SLC4A8: variants seen among roughly 807,000 people sequenced by gnomAD.
SLC4A8 encodes the protein solute carrier family 4 member 8, also known as electroneutral sodium bicarbonate exchanger 1.
SLC4A8 carries 40 observed loss-of-function variants against 125.0 expected under a neutral mutation model. The ratio of observed to expected loss-of-function variants is 0.32; its 90% CI spans 0.25 to 0.42. The LOEUF is 0.42. Ranked by LOEUF, SLC4A8 falls within the 10% of genes least tolerant of loss-of-function variation. SLC4A8 has a pLI of 1.00. For synonymous variants in SLC4A8, 456 were observed against 476.0 expected (o/e 0.96, Z 0.55); for missense variants, 863 against 1,355.1 (o/e 0.64, Z 5.70).
At chr12:51,426,268 A>G (rs1948974516) in intron 1 of SLC4A8, among the ~76,000 whole-genome samples, 1 of 152,208 alleles carries the variant, frequency 6.6e-6, no homozygotes, top group South Asian at 2.1e-4. Flanking sequence ...GAAAAGAACA[A>G]TATCTAAGAT....
chr12:51,395,877 G>A (rs952471905), intron 1 of SLC4A8, among the ~76,000 whole-genome samples: 31 of 152,214 alleles, frequency 2.0e-4, no homozygotes, highest in African/African-American at 6.8e-4. Context: ...ATGAAAGTGT[G>A]AGAGTTGGGT....
At chr12:51,395,383 G>A (rs1322707606) in intron 1 of SLC4A8, among the ~76,000 whole-genome samples, 1 of 151,562 alleles carries the variant, frequency 6.6e-6, no homozygotes, top group African/African-American at 2.4e-5. Flanking sequence ...GGCTGTTTTA[G>A]ATTCGGGTTT....
chr12:51,461,357 G>A (rs1425445771), intron 9 of SLC4A8, 66 bp downstream of exon 9: 1 of 926,448 alleles, frequency 1.1e-6, no homozygotes, highest in Non-Finnish European at 1.8e-6. Context: ...CTCTGTGCCA[G>A]GCAATATGCT....
chr12:51,447,241 C>T (rs1279962591), intron 2 of SLC4A8, among the ~76,000 whole-genome samples: 1 of 152,072 alleles, frequency 6.6e-6, no homozygotes, highest in Non-Finnish European at 1.5e-5. Context: ...CACCACCACA[C>T]CTGTCTAATT....
intron 16 of SLC4A8, 24 bp downstream of exon 16, chr12:51,475,230 C>T: frequency 6.2e-7 from 1 of 1,610,562 alleles, no homozygotes; most frequent in Non-Finnish European, 8.5e-7. Context: ...TCATGCATTT[C>T]TTTCACGTTA....
chr12:51,391,915 C>T (rs1948125763), intron 1 of SLC4A8: 1 of 152,462 alleles, frequency 6.6e-6, no homozygotes. Context: ...AGAGGACAGG[C>T]ATTAGCAGAG....
At chr12:51,497,224 T>C in intron 22 of SLC4A8, 100 bp downstream of exon 22, 1 of 1,250,536 alleles carries the variant, frequency 8.0e-7, no homozygotes, top group Non-Finnish European at 1.1e-6. Flanking sequence ...CCGAGGGTTA[T>C]ATTTAGGAGC....
chr12:51,396,012 C>T (rs960215999), intron 1 of SLC4A8, among the ~76,000 whole-genome samples: 7 of 152,196 alleles, frequency 4.6e-5, no homozygotes, highest in Admixed American at 6.5e-5. Flanking sequence ...CAGAGCTGCT[C>T]CTAGTTCTGC....
chr12:51,478,653 G>A (rs1050297118), intron 16 of SLC4A8, among the ~76,000 whole-genome samples: 16 of 152,140 alleles, frequency 1.1e-4, no homozygotes, highest in Non-Finnish European at 1.8e-4. Flanking sequence ...TTACTCAGTC[G>A]AATGAAACAG....
At chr12:51,501,544 T>C (rs182264112) in intron 22 of SLC4A8, among the ~76,000 whole-genome samples, 128 of 152,384 alleles carry the variant, frequency 8.4e-4, no homozygotes, top group African/African-American at 2.8e-3. Context: ...AGTTTCTTTA[T>C]TCAATCCACC....
At chr12:51,499,144 G>A (rs200435591) in intron 22 of SLC4A8, among the ~76,000 whole-genome samples, 3 of 152,120 alleles carry the variant, frequency 2.0e-5, no homozygotes, top group Non-Finnish European at 4.4e-5. Context: ...TCATGCCACT[G>A]CACTCCAGCC....
Position 51,484,837 on chromosome 12 carries a change from G to C in SLC4A8, c.2173-950G>C, listed in dbSNP as rs568961039. Among the ~76,000 whole-genome samples, 3 of 152,268 alleles carry C rather than the reference G, an allele frequency of 2.0e-5. No homozygotes were observed. In the East Asian group the frequency reaches 5.8e-4, roughly 29 times the overall value. Reference sequence around the variant, plus strand: ...AAAATAAAGCAGTAAAGAAGTACAGGAAGTGCTGGGGTGGAGGGAGGTGGC... The same window carrying C: ...AAAATAAAGCAGTAAAGAAGTACAGCAAGTGCTGGGGTGGAGGGAGGTGGC... On this transcript the variant is annotated intron_variant, in intron 16 of 24. Coordinates refer to ENST00000453097, the MANE Select transcript of SLC4A8 (RefSeq NM_001039960.3).
chr12:51,491,229 T>C (rs1662672608), intron 19 of SLC4A8, among the ~76,000 whole-genome samples: 1 of 152,228 alleles, frequency 6.6e-6, no homozygotes, highest in South Asian at 2.1e-4. Context: ...TGGACTAAAA[T>C]ATAAATTTGG....
rs184045486 is a variant in SLC4A8, at chr12:51,416,520, G to A, written c.-111-24188G>A. On this transcript the variant is annotated intron_variant, in intron 1 of 24. Coordinates refer to the SLC4A8 transcript ENST00000358657. Reference sequence around the variant, plus strand: ...TATCTGGGTGTGGTGGCGTACGCTTGTAATTTCAGCTACTCGGGAGGCTGA... The same window carrying A: ...TATCTGGGTGTGGTGGCGTACGCTTATAATTTCAGCTACTCGGGAGGCTGA... Among the ~76,000 whole-genome samples the A allele has an allele frequency of 6.2e-4, 94 of 152,226 alleles. 3 individuals carry two copies. In the East Asian group the frequency reaches 0.018, roughly 29 times the overall value.
intron 1 of SLC4A8, among the ~76,000 whole-genome samples, chr12:51,410,223 A>G (rs1948568126): frequency 6.6e-6 from 1 of 152,224 alleles, no homozygotes; most frequent in Admixed American, 6.5e-5. Flanking sequence ...TTTCAAGGCT[A>G]TATTTTGAGT....
chr12:51,471,627 CAAG>C (rs1162198622), intron 14 of SLC4A8, 95 bp downstream of exon 14: 2 of 1,381,080 alleles, frequency 1.4e-6, no homozygotes, highest in Admixed American at 4.2e-5. Context: ...AGCTTCTGGT[CAAG>C]AAGTGTCTTG....
Position 51,480,308 on chromosome 12 carries a change from A to T in SLC4A8, c.2172+5102A>T, listed in dbSNP as rs1406507782. ...TGGATTTCTTTCTTGCTTAAAATGT[A>T]TTTATATGTATGTCTTATTATATAC... On this transcript the variant is annotated intron_variant, in intron 16 of 24. Coordinates refer to ENST00000453097, the MANE Select transcript of SLC4A8 (RefSeq NM_001039960.3). The T allele has an allele frequency of 4.1e-6, 5 of 1,227,658 alleles. No homozygotes were observed. The Admixed American group carries it at 1.5e-4, about 37-fold the overall frequency. The allele number at this position is 1,227,658 out of a possible 1,614,324, so 76.0% of individuals were successfully genotyped here.
intron 1 of SLC4A8, among the ~76,000 whole-genome samples, chr12:51,433,201 C>T: frequency 6.6e-6 from 1 of 152,202 alleles, no homozygotes. Flanking sequence ...TTTCAAGGCT[C>T]ATGACAATGC....
chr12:51,441,954 TG>T (rs1369925799), intron 2 of SLC4A8, among the ~76,000 whole-genome samples: 1 of 152,144 alleles, frequency 6.6e-6, no homozygotes, highest in African/African-American at 2.4e-5. Flanking sequence ...TTGCAGCAGT[TG>T]GGAGGGAGTG....
Sources: gnomAD v4.1 joint callset for allele counts (sites outside exome capture counted in the v4.1 genomes callset) on GRCh38, gnomAD v4.1.1 for gene constraint, MANE v1.5 for transcripts, NCBI Gene and HGNC (gene_info 2026-07-23, HGNC 2026-07-21) for gene names.